The following ANKS1A variants were observed in gnomAD, a reference collection of about 807,000 sequenced individuals.
ANKS1A encodes ankyrin repeat and SAM domain-containing protein 1A.
In ANKS1A, 55 loss-of-function variants were observed where a neutral mutation model predicts 120.3. That is an observed-to-expected ratio of 0.46 (90% CI 0.37 to 0.57). The LOEUF (loss-of-function observed/expected upper bound fraction) is 0.57, where lower values mean the gene tolerates loss of function less well. Among genes scored for constraint, ANKS1A ranks in the 20% least tolerant of loss-of-function variants. The pLI is 0.00. For missense variants in ANKS1A, 1,123 were observed against 1,480.3 expected, an observed-to-expected ratio of 0.76 and a Z score of 3.96; for synonymous variants, 590 against 604.7, an observed-to-expected ratio of 0.98 and a Z score of 0.36.
chr6:34,891,854 C>G (rs1766839347), intron 1 of ANKS1A, among the ~76,000 whole-genome samples: 1 of 152,188 alleles, frequency 6.6e-6, no homozygotes, highest in Non-Finnish European at 1.5e-5. Flanking sequence ...TTCTCAATTT[C>G]TTGACCTCAT....
In ANKS1A at chr6:35,017,936, TCTC is replaced by T; in HGVS notation, c.1890_1892del (p.Leu631del). The T allele has an allele frequency of 6.2e-7, 1 of 1,614,154 alleles. No homozygotes were observed. Among genetic ancestry groups the T allele is most frequent in the Non-Finnish European group, 8.5e-7 (1 of 1,180,024 alleles). ...GCAGCTTGTCCAAGTCTGACTCTGATCTCCTGACCTGCTCACCCACAGAGGACG... is the reference window on the plus strand; with the variant it reads ...GCAGCTTGTCCAAGTCTGACTCTGATCTGACCTGCTCACCCACAGAGGACG... On this transcript the variant is annotated inframe_deletion, in exon 11 of 24. Transcript: ENST00000360359.
chr6:35,055,354 G>C lies in ANKS1A; in HGVS notation c.2077+1189G>C, dbSNP rs992990577. ...AAAAATTTTTTTTTTTTTTGAGACG[G>C]AGTCTCACTCTGTCACCCAGGCTGG... On this transcript the variant is annotated intron_variant, in intron 12 of 23. Coordinates refer to ENST00000360359, the MANE Select transcript of ANKS1A (RefSeq NM_015245.3). Among the ~76,000 whole-genome samples, 29 of 151,602 alleles carry C rather than the reference G, an allele frequency of 1.9e-4. 1 individual carries two copies. The highest frequency in any genetic ancestry group is 6.6e-5 in the Admixed American group (1 of 15,256).
intron 11 of ANKS1A, among the ~76,000 whole-genome samples, chr6:35,019,976 G>A (rs1325890685): frequency 6.6e-6 from 1 of 152,056 alleles, no homozygotes; most frequent in Non-Finnish European, 1.5e-5. Flanking sequence ...ATTGAAGCTG[G>A]TGGGACGAGG....
intron 1 of ANKS1A, among the ~76,000 whole-genome samples, chr6:34,922,463 A>G (rs944672920): frequency 6.6e-6 from 1 of 152,130 alleles, no homozygotes; most frequent in Non-Finnish European, 1.5e-5. Flanking sequence ...GGCCACAGAC[A>G]TTGCCTTCCC....
At chr6:35,011,196 GT>G (rs1283869126) in intron 10 of ANKS1A, among the ~76,000 whole-genome samples, 1 of 152,200 alleles carries the variant, frequency 6.6e-6, no homozygotes, top group African/African-American at 2.4e-5. Context: ...GCTGAGTTAG[GT>G]GAATTGGTAG....
At position 35,079,688 on chromosome 6, in the gene ANKS1A, C is replaced by G. The variant is rs117124359; in HGVS notation, c.2436+20C>G. On this transcript the variant is annotated intron_variant, in intron 15 of 23. Coordinates refer to ENST00000360359, the MANE Select transcript of ANKS1A (RefSeq NM_015245.3). ...GTCAATGTGAGTAGTCCCTGCGTGG[C>G]CCGGCCTGGACTCTCCAGAAGTCTG... 3.9e-4 allele frequency: 630 copies of G among 1,614,046 alleles called. 6 individuals are homozygous for G. The East Asian group carries it at 0.012, about 32-fold the overall frequency.
intron 1 of ANKS1A, among the ~76,000 whole-genome samples, chr6:34,949,712 A>G (rs954226180): frequency 6.6e-6 from 1 of 152,176 alleles, no homozygotes; most frequent in Non-Finnish European, 1.5e-5. Flanking sequence ...GTTAGGTACA[A>G]TTCGTACAAT....
At chr6:34,954,401 C>T (rs1770243824) in intron 1 of ANKS1A, among the ~76,000 whole-genome samples, 1 of 151,990 alleles carries the variant, frequency 6.6e-6, no homozygotes. Flanking sequence ...ACATTGCGGA[C>T]AAGAAACAGA....
chr6:35,074,980 T>G (rs1040817303), intron 13 of ANKS1A, among the ~76,000 whole-genome samples: 2 of 152,162 alleles, frequency 1.3e-5, no homozygotes, highest in Admixed American at 1.3e-4. Context: ...TGTAAAGTAA[T>G]GCCCACCACA....
In ANKS1A at chr6:34,998,612, C is replaced by T. The variant is rs187566631; in HGVS notation, c.1423+4190C>T. Among the ~76,000 whole-genome samples the T allele has an allele frequency of 2.0e-4, 30 of 152,262 alleles. 1 individual carries two copies. The highest frequency in any genetic ancestry group is 1.4e-3 in the Admixed American group (21 of 15,296). ...GTCTGTTCTATTTCACTCTGACCAC[C>T]GTTGCATGCAGCCCCTGTCACGTAC... On this transcript the variant is annotated intron_variant, in intron 10 of 23. Transcript: ENST00000360359.
At chr6:34,997,014 G>A (rs1039727645) in intron 10 of ANKS1A, among the ~76,000 whole-genome samples, 1 of 152,018 alleles carries the variant, frequency 6.6e-6, no homozygotes, top group African/African-American at 2.4e-5. Flanking sequence ...TAGTTCCATT[G>A]TCTTTCCCAT....
At chr6:35,093,136 C>T (rs1327366269), downstream of ANKS1A, among the ~76,000 whole-genome samples, 1 of 152,130 alleles carries the variant, frequency 6.6e-6, no homozygotes, top group African/African-American at 2.4e-5. Flanking sequence ...TGAACCATCC[C>T]TTCCTCCGTG....
At chr6:35,068,302 A>G (rs1228179167) in intron 13 of ANKS1A, among the ~76,000 whole-genome samples, 1 of 151,836 alleles carries the variant, frequency 6.6e-6, no homozygotes, top group Non-Finnish European at 1.5e-5. Flanking sequence ...ACGTTCTTAG[A>G]GACAGCGTCA....
intron 1 of ANKS1A, among the ~76,000 whole-genome samples, chr6:34,953,355 A>G (rs1007635169): frequency 6.6e-6 from 1 of 152,188 alleles, no homozygotes; most frequent in Non-Finnish European, 1.5e-5. Flanking sequence ...TTCCCTGAGG[A>G]GAGTTTTGCT....
chr6:35,038,761 C>T (rs1045965225), intron 11 of ANKS1A, among the ~76,000 whole-genome samples: 21 of 152,188 alleles, frequency 1.4e-4, no homozygotes, highest in African/African-American at 4.8e-4. Flanking sequence ...ACTGGGATTA[C>T]AGGCATGAGC....
chr6:34,935,571 G>A (rs1561857451), intron 1 of ANKS1A, among the ~76,000 whole-genome samples: 3 of 152,200 alleles, frequency 2.0e-5, no homozygotes, highest in Admixed American at 2.0e-4. Flanking sequence ...TCCCTTTCCG[G>A]TAGCTTTAGT....
At chr6:34,899,317 T>C (rs903453671) in intron 1 of ANKS1A, among the ~76,000 whole-genome samples, 2 of 152,146 alleles carry the variant, frequency 1.3e-5, no homozygotes, top group Non-Finnish European at 1.5e-5. Flanking sequence ...ATAATACAAA[T>C]GCATGGAGCA....
At chr6:34,974,549 G>T (rs1036958842) in intron 3 of ANKS1A, among the ~76,000 whole-genome samples, 3 of 151,758 alleles carry the variant, frequency 2.0e-5, no homozygotes, top group African/African-American at 7.3e-5. Context: ...TCTTATCTTA[G>T]TTTTTTTGTT....
chr6:34,973,556 C>T (rs934140960), intron 3 of ANKS1A, among the ~76,000 whole-genome samples: 2 of 152,192 alleles, frequency 1.3e-5, no homozygotes, highest in Non-Finnish European at 2.9e-5. Flanking sequence ...GTGCTCAAGA[C>T]ACTACATTAT....
Sources: allele counts gnomAD v4.1 joint callset (sites outside exome capture counted in the v4.1 genomes callset), GRCh38; gene constraint gnomAD v4.1.1; transcripts MANE v1.5; gene names NCBI Gene and HGNC (gene_info 2026-07-23, HGNC 2026-07-21).